EIF4G3: variants seen among roughly 807,000 people sequenced by gnomAD.
The protein encoded by EIF4G3 is eIF-4-gamma 3.
Under a neutral mutation model 186.4 loss-of-function variants are expected in EIF4G3, and 34 were observed. The ratio of observed to expected loss-of-function variants is 0.18; its 90% CI spans 0.14 to 0.24. The LOEUF (loss-of-function observed/expected upper bound fraction) is 0.24, where lower values mean the gene tolerates loss of function less well. EIF4G3 is among the 10% of genes least tolerant of loss of function. The pLI is 1.00. For synonymous variants in EIF4G3, 673 were observed against 679.5 expected (o/e 0.99, Z 0.15); for missense variants, 1,536 against 1,948.5 (o/e 0.79, Z 3.99).
intron 14 of EIF4G3, 133 bp downstream of exon 14, chr1:20,941,358 G>A: frequency 1.3e-6 from 2 of 1,594,230 alleles, no homozygotes; most frequent in Non-Finnish European, 1.7e-6. Flanking sequence ...CACCACTGAA[G>A]AAACCAGACT....
chr1:20,817,051 C>G (rs993893575), intron 34 of EIF4G3, among the ~76,000 whole-genome samples: 4 of 139,498 alleles, frequency 2.9e-5, no homozygotes, highest in South Asian at 4.8e-4. Flanking sequence ...GCAGCATGCT[C>G]GTTAAGAGTC....
chr1:20,868,037 G>A (rs1191292020), intron 20 of EIF4G3, among the ~76,000 whole-genome samples: 1 of 149,222 alleles, frequency 6.7e-6, no homozygotes, highest in African/African-American at 2.4e-5. Flanking sequence ...TGGAAATATG[G>A]AAAGGGGCCA....
At chr1:21,014,628 C>A (rs1570994253) in intron 4 of EIF4G3, among the ~76,000 whole-genome samples, 1 of 130,236 alleles carries the variant, frequency 7.7e-6, no homozygotes, top group Non-Finnish European at 1.6e-5. Flanking sequence ...CAGCTCCAGA[C>A]AAACACCTTT....
chr1:20,849,600 G>T, intron 28 of EIF4G3, 70 bp from the exon 29 acceptor site: 1 of 659,784 alleles, frequency 1.5e-6, no homozygotes, highest in Non-Finnish European at 2.5e-6. Context: ...GATTATGGTT[G>T]ACAATATTAT....
chr1:21,016,911 G>A (rs1250750971), intron 4 of EIF4G3, among the ~76,000 whole-genome samples: 1 of 152,188 alleles, frequency 6.6e-6, no homozygotes, highest in East Asian at 1.9e-4. Flanking sequence ...GGAGGTTGCA[G>A]TGAGCCGAGA....
At position 20,835,092 on chromosome 1, in the gene EIF4G3, A is replaced by G. The variant is rs543346838; in HGVS notation, c.4061+5764T>C. ...AGGAGAAACCTTGGAAAATATCCAAATATGTGAATATTAAACAACATCTGC... is the reference window on the plus strand; with the variant it reads ...AGGAGAAACCTTGGAAAATATCCAAGTATGTGAATATTAAACAACATCTGC... On this transcript the variant is annotated intron_variant, in intron 30 of 36. Coordinates refer to ENST00000602326, the MANE Select transcript of EIF4G3 (RefSeq NM_001391906.1). 1.1e-4 allele frequency among the ~76,000 whole-genome samples: 16 copies of G among 152,352 alleles called. No individual in the cohort carries two copies. In the South Asian group the frequency reaches 3.1e-3, roughly 30 times the overall value.
chr1:20,895,620 C>T lies in EIF4G3; in HGVS notation c.2000-119G>A, dbSNP rs2087702174. The stretch of plus-strand genomic sequence containing the variant: ...TACAACTGCATATACAACATTATAG[C>T]CCATAAGGCTATAATGAAGCTGAAA... On this transcript the variant is annotated intron_variant, in intron 16 of 36. Coordinates refer to ENST00000602326, the MANE Select transcript of EIF4G3 (RefSeq NM_001391906.1). 2.7e-5 allele frequency: 30 copies of T among 1,104,258 alleles called. No homozygotes were observed. The South Asian group carries it at 5.4e-4, about 20-fold the overall frequency. 68.4% of individuals were successfully genotyped at this position (1,104,258 alleles called of 1,614,324 possible). A position where few individuals can be genotyped will look rare whatever the true frequency, so the allele number is the denominator to read the frequency against.
chr1:21,167,443 T>C (rs1249362833), intron 2 of EIF4G3, among the ~76,000 whole-genome samples: 3 of 152,016 alleles, frequency 2.0e-5, no homozygotes. Context: ...CTGAGGCAGA[T>C]GGATCACCTG....
In EIF4G3 at chr1:20,941,845, A is replaced by G. The variant is rs373425156; in HGVS notation, c.1309T>C (p.Leu437=). ...SIVEIVKQEV[L]PLTLELEILE... ...ATCTCCAATTCAAGAGTCAATGGCA[A>G]TACTTCCTGTTTTACTATTTCCACA... is the stretch of plus-strand genomic sequence containing the variant. Residue 437 remains leucine (L), a synonymous_variant, in exon 14 of 37, where the codon TTG becomes CTG. Transcript: ENST00000602326. 223 of 1,614,156 alleles carry G rather than the reference A, an allele frequency of 1.4e-4. No individual in the cohort carries two copies. Among genetic ancestry groups the G allele is most frequent in the Non-Finnish European group, 1.8e-4 (217 of 1,180,022 alleles).
chr1:20,924,510 A>G (rs2094722561), intron 14 of EIF4G3, among the ~76,000 whole-genome samples: 1 of 152,194 alleles, frequency 6.6e-6, no homozygotes, highest in Non-Finnish European at 1.5e-5. Flanking sequence ...ACCTTTCGAA[A>G]TTTGACAATC....
chr1:21,118,423 A>G (rs780302641), intron 2 of EIF4G3, among the ~76,000 whole-genome samples: 4 of 152,250 alleles, frequency 2.6e-5, no homozygotes, highest in Admixed American at 6.5e-5. Context: ...AGCTACAGGT[A>G]GCATAAAGCA....
At chr1:21,163,832 C>T (rs2097804599) in intron 2 of EIF4G3, among the ~76,000 whole-genome samples, 1 of 152,128 alleles carries the variant, frequency 6.6e-6, no homozygotes, top group Non-Finnish European at 1.5e-5. Flanking sequence ...AGTACAGTGG[C>T]GTGATCTCAG....
chr1:20,938,437 T>C (rs912987691), intron 14 of EIF4G3, among the ~76,000 whole-genome samples: 6 of 152,342 alleles, frequency 3.9e-5, no homozygotes, highest in Non-Finnish European at 7.3e-5. Context: ...AACTGATATG[T>C]TATTTATGTA....
intron 2 of EIF4G3, among the ~76,000 whole-genome samples, chr1:21,159,360 A>G (rs1252380780): frequency 6.6e-6 from 1 of 151,690 alleles, no homozygotes; most frequent in Non-Finnish European, 1.5e-5. Flanking sequence ...GGATCCCTTG[A>G]GTCCAGGAGT....
intron 14 of EIF4G3, among the ~76,000 whole-genome samples, chr1:20,906,670 G>GC (rs2092187643): frequency 2.0e-5 from 3 of 151,848 alleles, no homozygotes; most frequent in Admixed American, 6.6e-5. Flanking sequence ...AAAAAAAACA[G>GC]CTACTGAGCC....
chr1:20,850,770 A>G (rs1316169116), intron 28 of EIF4G3, among the ~76,000 whole-genome samples: 1 of 152,240 alleles, frequency 6.6e-6, no homozygotes, highest in Non-Finnish European at 1.5e-5. Flanking sequence ...AGCAATTTTT[A>G]GAGCATTATC....
chr1:21,101,422 A>C (rs941614854), intron 2 of EIF4G3, among the ~76,000 whole-genome samples: 2 of 151,948 alleles, frequency 1.3e-5, no homozygotes, highest in Non-Finnish European at 2.9e-5. Context: ...TACAAAAGTT[A>C]GCCAGACATG....
intron 4 of EIF4G3, among the ~76,000 whole-genome samples, chr1:21,006,423 T>G (rs2085105855): frequency 6.6e-6 from 1 of 152,212 alleles, no homozygotes; most frequent in African/African-American, 2.4e-5. Flanking sequence ...TCCCAAATAT[T>G]TACTTCTTCA....
intron 3 of EIF4G3, 40 bp from the exon 4 acceptor site, chr1:21,051,034 T>G (rs1260507051): frequency 1.5e-5 from 11 of 713,980 alleles, no homozygotes; most frequent in African/African-American, 5.3e-5. Context: ...ATTATATTAG[T>G]AAATCAATCT....
Sources: gnomAD v4.1 joint callset for allele counts (sites outside exome capture counted in the v4.1 genomes callset) on GRCh38, gnomAD v4.1.1 for gene constraint, MANE v1.5 for transcripts, NCBI Gene and HGNC (gene_info 2026-07-23, HGNC 2026-07-21) for gene names.